The following VPS13D variants were observed in gnomAD, a reference collection of about 807,000 sequenced individuals.
VPS13D encodes the protein intermembrane lipid transfer protein VPS13D.
A neutral mutation model predicts 461.9 loss-of-function variants in VPS13D; 187 were observed. The observed-to-expected ratio is 0.40, with a 90% confidence interval of 0.36 to 0.46. The LOEUF is 0.46. Ranked by LOEUF, VPS13D falls within the 20% of genes least tolerant of loss-of-function variation. The probability of loss-of-function intolerance (pLI) is 0.60; values close to 1 mark genes in which losing one functional copy is unlikely to be tolerated. For synonymous variants in VPS13D, 1,951 were observed against 1,986.3 expected (o/e 0.98, Z 0.47); for missense variants, 4,711 against 5,364.9 (o/e 0.88, Z 3.81).
intron 14 of VPS13D, 56 bp downstream of exon 14, chr1:12,267,067 G>A (rs1184171231): frequency 6.9e-7 from 1 of 1,453,330 alleles, no homozygotes; most frequent in Non-Finnish European, 9.1e-7. Flanking sequence ...ATTGTAGTCT[G>A]TTTTAGGCAA....
intron 46 of VPS13D, 33 bp from the exon 47 acceptor site, chr1:12,353,941 T>A (rs1643864637): frequency 1.2e-6 from 2 of 1,601,748 alleles, no homozygotes; most frequent in Non-Finnish European, 1.7e-6. Flanking sequence ...CTTCATTAAG[T>A]CTGATGATTT....
At chr1:12,366,906 C>T (rs901633887) in intron 52 of VPS13D, among the ~76,000 whole-genome samples, 1 of 152,170 alleles carries the variant, frequency 6.6e-6, no homozygotes, top group African/African-American at 2.4e-5. Context: ...GCCATAAAAA[C>T]CTCACTTATC....
chr1:12,460,651 T>G (rs1353194966), intron 67 of VPS13D, among the ~76,000 whole-genome samples: 2 of 150,198 alleles, frequency 1.3e-5, no homozygotes, highest in Non-Finnish European at 3.0e-5. Context: ...TGTATGTATA[T>G]ATAGCATATT....
At chr1:12,296,757 C>T (rs1642288697) in intron 24 of VPS13D, among the ~76,000 whole-genome samples, 1 of 151,944 alleles carries the variant, frequency 6.6e-6, no homozygotes, top group Non-Finnish European at 1.5e-5. Flanking sequence ...CAGTATGACT[C>T]TGCTAAATGT....
intron 67 of VPS13D, among the ~76,000 whole-genome samples, chr1:12,462,902 A>G (rs1197544380): frequency 1.3e-5 from 2 of 152,140 alleles, no homozygotes; most frequent in South Asian, 4.1e-4. Flanking sequence ...CACAGTCAGC[A>G]CTGGCCACTC....
At chr1:12,261,285 G>C in intron 12 of VPS13D, 136 bp downstream of exon 12, 2 of 1,045,542 alleles carry the variant, frequency 1.9e-6, no homozygotes, top group Non-Finnish European at 2.7e-6. Context: ...GAGAGAAGAA[G>C]TATTTTGGGA....
rs1263388084 is a variant in VPS13D at position 12,507,101 on chromosome 1, C to T, written c.13035+8C>T. 6.2e-7 allele frequency: 1 copy of T among 1,613,902 alleles called. No homozygotes were observed. The highest frequency in any genetic ancestry group is 1.3e-5 in the African/African-American group (1 of 75,050). On this transcript the variant is annotated splice_region_variant and intron_variant, in intron 69 of 69. Coordinates refer to ENST00000620676, the MANE Select transcript of VPS13D (RefSeq NM_015378.4). This position sits in a 1 kb window ranked among gnomAD's most constrained non-coding sequence, Gnocchi z 5.3. Reference sequence around the variant, plus strand: ...TCCCACCAGAAGCCCATGGTGAGTGCCTGGCTGTTCTCAGGCTCCTGAGGG... The same window carrying T: ...TCCCACCAGAAGCCCATGGTGAGTGTCTGGCTGTTCTCAGGCTCCTGAGGG...
Position 12,304,634 on chromosome 1 carries a change from A to G in VPS13D, c.6345A>G (p.Leu2115=). ...CGATGCCTCTTGCTGGAATGAGCCT[A>G]GGAAGCCTGAAGAGTGAGTTTGTGC... The part of the protein sequence containing the change: ...QFTMPLAGMS[L]GSLKSEFVPS... The change falls in exon 26 of 70, where the codon CTA becomes CTG. Residue 2115 remains leucine, a synonymous_variant. Coordinates refer to ENST00000620676, the MANE Select transcript of VPS13D (RefSeq NM_015378.4). The G allele has an allele frequency of 6.2e-7, 1 of 1,614,090 alleles. No homozygotes were observed. The highest frequency in any genetic ancestry group is 8.5e-7 in the Non-Finnish European group (1 of 1,180,006).
intron 37 of VPS13D, 89 bp downstream of exon 37, chr1:12,330,007 G>C: frequency 2.7e-5 from 12 of 436,832 alleles, no homozygotes; most frequent in East Asian, 7.2e-5. Flanking sequence ...TTACATGAAG[G>C]AAAGGGCAGG....
chr1:12,267,004 C>G lies in VPS13D; in HGVS notation c.1718C>G (p.Pro573Arg). 1.3e-6 allele frequency: 2 copies of G among 1,597,188 alleles called. No individual in the cohort carries two copies. Among genetic ancestry groups the G allele is most frequent in the Non-Finnish European group, 1.7e-6 (2 of 1,174,462 alleles). Residue 573 changes from proline to arginine, a missense_variant, in exon 14 of 70, where the codon CCT (proline) becomes CGT (arginine). By Grantham distance (103) the Pro-to-Arg change is moderately radical (BLOSUM62 -2). This residue lies in a region of VPS13D where 4,411 missense variants were observed against 4,937.8 expected (regional missense o/e 0.89). Coordinates refer to ENST00000620676, the MANE Select transcript of VPS13D (RefSeq NM_015378.4). ...EGTMFPLLVF[P>R]NPQKEVGRVS... ...ACTATGTTTCCTCTTCTAGTCTTCC[C>G]TAATCCAGTATGTACAACAGTTGGA...
chr1:12,378,512 A>T lies in VPS13D; in HGVS notation c.11002A>T (p.Asn3668Tyr), dbSNP rs777557545. The T allele has an allele frequency of 9.3e-6, 15 of 1,612,554 alleles. No individual in the cohort carries two copies. The highest frequency in any genetic ancestry group is 1.3e-5 in the Non-Finnish European group (15 of 1,179,436). The change falls in exon 56 of 70, where the codon AAT (asparagine) becomes TAT (tyrosine). Residue 3668 changes from asparagine (N) to tyrosine (Y), a missense_variant. Asn to Tyr is a moderately radical substitution (Grantham distance 143, BLOSUM62 -2). Coordinates refer to ENST00000620676, the MANE Select transcript of VPS13D (RefSeq NM_015378.4). ...GGGCTCCTCAGTTCCTCACAATCCC[A>T]ATAAGCCCTCAGCCGCCCGCTCCAC... ...HEGSSVPHNP[N>Y]KPSAARSTEG... is the part of the protein sequence containing the mutation.
intron 55 of VPS13D, among the ~76,000 whole-genome samples, chr1:12,376,109 A>G (rs568755697): frequency 6.6e-6 from 1 of 152,334 alleles, no homozygotes; most frequent in Non-Finnish European, 1.5e-5. Flanking sequence ...TGCAGCATCT[A>G]CAGGATAACC....
rs749817594 is a variant in VPS13D, at chr1:12,322,740, G to A, written c.7909G>A (p.Val2637Ile). The A allele has an allele frequency of 1.9e-6, 3 of 1,613,954 alleles. No individual in the cohort carries two copies. In the South Asian group the frequency reaches 3.3e-5, roughly 18 times the overall value. Residue 2637 changes from valine to isoleucine, a missense_variant, in exon 34 of 70, where the codon GTC (valine) becomes ATC (isoleucine). By Grantham distance (29) the Val-to-Ile change is conservative. Transcript: ENST00000620676. ...REGTRHTLDPVLELQLARLQE... is the reference protein window; with the variant it reads ...REGTRHTLDPILELQLARLQE... ...AGGGACAAGACACACCTTAGATCCT[G>A]TCTTGGGTAGGTGTTTAACTATAAA...
At chr1:12,459,211 T>C (rs1402278533) in intron 66 of VPS13D, among the ~76,000 whole-genome samples, 1 of 152,210 alleles carries the variant, frequency 6.6e-6, no homozygotes, top group Non-Finnish European at 1.5e-5. Flanking sequence ...AATTTGAATT[T>C]GCCACACGTT....
At chr1:12,288,711 A>G (rs1416025229) in intron 22 of VPS13D, among the ~76,000 whole-genome samples, 1 of 151,930 alleles carries the variant, frequency 6.6e-6, no homozygotes, top group Non-Finnish European at 1.5e-5. Flanking sequence ...AATTACCCCT[A>G]GAAAACGGGC....
chr1:12,290,658 A>G (rs900989718), intron 22 of VPS13D, among the ~76,000 whole-genome samples: 12 of 151,616 alleles, frequency 7.9e-5, no homozygotes, highest in African/African-American at 2.7e-4. Flanking sequence ...GGGAGGCAGA[A>G]CTTGCAGTGA....
intron 63 of VPS13D, among the ~76,000 whole-genome samples, 184 bp downstream of exon 63, chr1:12,404,157 A>G (rs1570105196): frequency 7.3e-6 from 1 of 137,754 alleles, no homozygotes; most frequent in African/African-American, 2.7e-5. Context: ...ACTTACGTGT[A>G]TTTGTCTTTA....
chr1:12,285,760 A>G (rs1641947928), intron 21 of VPS13D, among the ~76,000 whole-genome samples: 1 of 152,310 alleles, frequency 6.6e-6, no homozygotes, highest in Non-Finnish European at 1.5e-5. Flanking sequence ...GATTGTCTCA[A>G]AAATGCCCTT....
At chr1:12,324,851 A>G (rs1182324702) in intron 35 of VPS13D, among the ~76,000 whole-genome samples, 1 of 152,224 alleles carries the variant, frequency 6.6e-6, no homozygotes, top group Non-Finnish European at 1.5e-5. Flanking sequence ...TTGGAGGCAG[A>G]CATTATTATT....
Sources: allele counts gnomAD v4.1 joint callset (sites outside exome capture counted in the v4.1 genomes callset), GRCh38; gene constraint gnomAD v4.1.1; regional missense constraint gnomAD v4.1.1; non-coding constraint Gnocchi (gnomAD v3.1); transcripts MANE v1.5; gene names NCBI Gene and HGNC (gene_info 2026-07-23, HGNC 2026-07-21).